BCHE: variants seen among roughly 807,000 people sequenced by gnomAD.
The protein encoded by BCHE is butyrylcholinesterase, also known as cholinesterase.
Under a neutral mutation model 51.3 loss-of-function variants are expected in BCHE, and 48 were observed. The observed-to-expected ratio is 0.94, with a 90% CI of 0.74 to 1.19. BCHE has a LOEUF of 1.19. Among genes scored for constraint, BCHE ranks in the 50% most tolerant of loss-of-function variants. BCHE has a pLI of 0.00. For missense variants in BCHE, 847 were observed against 708.2 expected (o/e 1.20, Z -2.23); for synonymous variants, 251 against 238.0 (o/e 1.05, Z -0.50).
At chr3:165,836,719 G>A in intron 1 of BCHE, among the ~76,000 whole-genome samples, 1 of 151,966 alleles carries the variant, frequency 6.6e-6, no homozygotes, top group East Asian at 1.9e-4. Flanking sequence ...AACACAAAGG[G>A]CAAAGGGGAC....
chr3:165,812,378 A>G (rs1486510207), intron 2 of BCHE, among the ~76,000 whole-genome samples: 1 of 151,394 alleles, frequency 6.6e-6, no homozygotes, highest in Non-Finnish European at 1.5e-5. Context: ...TTTTTACTCT[A>G]TATATAATTT....
Position 165,773,309 on chromosome 3 carries a change from T to C in BCHE, c.*73A>G, listed in dbSNP as rs969849571. On this transcript the variant is annotated 3_prime_UTR_variant, in exon 4 of 4. Transcript: ENST00000264381. ...GCTACATAATAACTTTTTTAGTAGG[T>C]GTGTAAAAAAGCTCCTGATATTTTT... is the stretch of plus-strand genomic sequence containing the variant. 5 of 1,398,028 alleles carry C rather than the reference T, an allele frequency of 3.6e-6. No homozygotes were observed. Among genetic ancestry groups the C allele is most frequent in the Admixed American group, 3.8e-5 (2 of 52,518 alleles). The allele number at this position is 1,398,028 out of a possible 1,614,324, so 86.6% of individuals were successfully genotyped here.
chr3:165,773,239 A>G lies in BCHE; in HGVS notation c.*143T>C. 1 of 731,654 alleles carries G rather than the reference A, an allele frequency of 1.4e-6. No homozygotes were observed. Among genetic ancestry groups the G allele is most frequent in the South Asian group, 2.0e-5 (1 of 50,432 alleles). The allele number at this position is 731,654 out of a possible 1,614,324, so 45.3% of individuals were successfully genotyped here. A position where few individuals can be genotyped will look rare whatever the true frequency, so the allele number is the denominator to read the frequency against. ...GAAATGCTAGGTAAAATACTAAGTT[A>G]AAGATGTGAGGAATCAATATTATCC... On this transcript the variant is annotated 3_prime_UTR_variant, in exon 4 of 4. Transcript: ENST00000264381.
In BCHE at chr3:165,830,383, A is replaced by C; in HGVS notation, c.651T>G (p.Pro217=). The C allele has an allele frequency of 6.2e-6, 10 of 1,614,000 alleles. No individual in the cohort carries two copies. The highest frequency in any genetic ancestry group is 8.5e-6 in the Non-Finnish European group (10 of 1,179,920). The change falls in exon 2 of 4, where the codon CCT becomes CCG. Residue 217 remains proline, a synonymous_variant. Transcript: ENST00000264381. ...TTTCTCCAAAGAGAGTTACACTTTT[A>C]GGATTTCCACCAAAGGCTGCTATAT... ...QKNIAAFGGN[P]KSVTLFGESA...
At chr3:165,805,966 T>C (rs1713850354) in intron 2 of BCHE, among the ~76,000 whole-genome samples, 1 of 152,148 alleles carries the variant, frequency 6.6e-6, no homozygotes, top group South Asian at 2.1e-4. Context: ...TGTCTTTTCA[T>C]TCCCAAAGTT....
intron 2 of BCHE, among the ~76,000 whole-genome samples, chr3:165,798,271 CTG>C (rs201791118): frequency 2.0e-3 from 301 of 150,110 alleles, no homozygotes; most frequent in African/African-American, 6.8e-3. Context: ...AAGTGTGTGT[CTG>C]TGTGTGTGTG....
chr3:165,788,891 A>G (rs1713062903), intron 2 of BCHE, among the ~76,000 whole-genome samples: 1 of 152,266 alleles, frequency 6.6e-6, no homozygotes, highest in East Asian at 1.9e-4. Context: ...TGAAATAGCT[A>G]TTGAAGTGAT....
At chr3:165,789,564 T>C (rs1713091597) in intron 2 of BCHE, among the ~76,000 whole-genome samples, 1 of 152,168 alleles carries the variant, frequency 6.6e-6, no homozygotes, top group Non-Finnish European at 1.5e-5. Context: ...CAGTTATTTC[T>C]AAGTAAGCTA....
At chr3:165,779,190 T>C (rs1712586793) in intron 3 of BCHE, among the ~76,000 whole-genome samples, 1 of 152,150 alleles carries the variant, frequency 6.6e-6, no homozygotes, top group Non-Finnish European at 1.5e-5. Context: ...TTGAAAATTC[T>C]GCAAGGGAAA....
chr3:165,798,893 A>T (rs1560010441), intron 2 of BCHE, among the ~76,000 whole-genome samples: 1 of 152,012 alleles, frequency 6.6e-6, no homozygotes, highest in Non-Finnish European at 1.5e-5. Flanking sequence ...CAAACAAATA[A>T]TAAAAAAAAA....
At chr3:165,782,858 A>G (rs915994024) in intron 3 of BCHE, among the ~76,000 whole-genome samples, 2 of 151,996 alleles carry the variant, frequency 1.3e-5, no homozygotes, top group African/African-American at 4.8e-5. Flanking sequence ...GAGTTCCCTC[A>G]GGATTTTTTT....
intron 3 of BCHE, among the ~76,000 whole-genome samples, chr3:165,785,356 C>G (rs566906376): frequency 5.9e-5 from 9 of 151,838 alleles, no homozygotes; most frequent in South Asian, 2.1e-4. Flanking sequence ...GGATTATAAA[C>G]AGCTGAAATT....
At position 165,820,589 on chromosome 3, in the gene BCHE, T is replaced by A. The variant is rs1714479941; in HGVS notation, c.1517+8928A>T. ...AAAGTCATGAAAATGTTCCATTGGG[T>A]TAATTATGATAATATACCACAAATA... is the stretch of plus-strand genomic sequence containing the variant. On this transcript the variant is annotated intron_variant, in intron 2 of 3. Transcript: ENST00000264381. Among the ~76,000 whole-genome samples the A allele has an allele frequency of 2.6e-5, 4 of 152,120 alleles. No individual in the cohort carries two copies. In the South Asian group the frequency reaches 8.3e-4, roughly 32 times the overall value.
At chr3:165,819,853 T>A (rs1157470727) in intron 2 of BCHE, among the ~76,000 whole-genome samples, 1 of 152,170 alleles carries the variant, frequency 6.6e-6, no homozygotes, top group Non-Finnish European at 1.5e-5. Flanking sequence ...TTGCAATATT[T>A]AAGCTATTAT....
At chr3:165,795,643 T>A (rs1194191543) in intron 2 of BCHE, among the ~76,000 whole-genome samples, 2 of 152,150 alleles carry the variant, frequency 1.3e-5, no homozygotes, top group Non-Finnish European at 2.9e-5. Flanking sequence ...CTAGATTCAT[T>A]ATAGTTTGTT....
chr3:165,835,049 C>A (rs4563443), intron 1 of BCHE, among the ~76,000 whole-genome samples: 12,240 of 151,712 alleles, frequency 0.081, 556 homozygotes, highest in African/African-American at 0.11. Context: ...GAATTCAGAC[C>A]ATTCTAGTTT....
chr3:165,821,299 C>CT (rs1486250935), intron 2 of BCHE, among the ~76,000 whole-genome samples: 6 of 151,402 alleles, frequency 4.0e-5, no homozygotes, highest in Non-Finnish European at 7.4e-5. Flanking sequence ...TGCACAAATA[C>CT]TATATAATAA....
chr3:165,786,241 T>C lies in BCHE; in HGVS notation c.1588A>G (p.Thr530Ala). The change falls in exon 3 of 4, where the codon ACC (threonine) becomes GCC (alanine). Residue 530 changes from threonine (T) to alanine (A), a missense_variant. By Grantham distance (58) the Thr-to-Ala change is moderately conservative (BLOSUM62 0). Transcript: ENST00000264381. The part of the protein sequence containing the change: ...VFKSTEQKYL[T>A]LNTESTRIMT... ...ATTCTTGTTGACTCTGTATTCAAGG[T>C]TAGATATTTTTGTTCAGTGCTTTTG... 1 of 1,612,168 alleles carries C rather than the reference T, an allele frequency of 6.2e-7. No individual in the cohort carries two copies. The highest frequency in any genetic ancestry group is 1.1e-5 in the South Asian group (1 of 91,026).
At chr3:165,794,686 G>T (rs532448367) in intron 2 of BCHE, among the ~76,000 whole-genome samples, 53 of 152,192 alleles carry the variant, frequency 3.5e-4, no homozygotes, top group African/African-American at 1.3e-3. Context: ...ATCACATTGG[G>T]AGTTAGTATT....
Sources: gnomAD v4.1 joint callset for allele counts (sites outside exome capture counted in the v4.1 genomes callset) on GRCh38, gnomAD v4.1.1 for gene constraint, MANE v1.5 for transcripts, NCBI Gene and HGNC (gene_info 2026-07-23, HGNC 2026-07-21) for gene names.